Variants in MEI4 observed in about 807,000 individuals in gnomAD.
The protein encoded by MEI4 is meiotic double-stranded break formation protein 4, also known as meiosis-specific protein MEI4.
MEI4 carries 27 observed loss-of-function variants against 31.4 expected under a neutral mutation model. The observed-to-expected ratio is 0.86, with a 90% CI of 0.63 to 1.19. The LOEUF is 1.19. MEI4 is among the 50% of genes most tolerant of loss of function. The pLI is 0.00. For synonymous variants in MEI4, 122 were observed against 145.4 expected (o/e 0.84, Z 1.16); for missense variants, 329 against 398.9 (o/e 0.82, Z 1.49).
At chr6:77,789,073 C>T (rs1462332986) in intron 3 of MEI4, among the ~76,000 whole-genome samples, 2 of 152,058 alleles carry the variant, frequency 1.3e-5, no homozygotes, top group African/African-American at 4.8e-5. Context: ...CCAATGGAAC[C>T]AGAACAGAGC....
intron 3 of MEI4, among the ~76,000 whole-genome samples, chr6:77,793,547 T>C (rs1010415039): frequency 2.6e-5 from 4 of 152,146 alleles, no homozygotes; most frequent in African/African-American, 9.7e-5. Flanking sequence ...GTATAAAAAT[T>C]AAAAGAGAAA....
At chr6:77,668,837 A>C (rs2127644878) in intron 1 of MEI4, among the ~76,000 whole-genome samples, 1 of 152,302 alleles carries the variant, frequency 6.6e-6, no homozygotes, top group Non-Finnish European at 1.5e-5. Context: ...AAGAGCAATG[A>C]GCATCCCACG....
At chr6:77,857,791 C>T (rs1159388205) in intron 4 of MEI4, among the ~76,000 whole-genome samples, 1 of 152,184 alleles carries the variant, frequency 6.6e-6, no homozygotes, top group Non-Finnish European at 1.5e-5. Flanking sequence ...TGAAATCCAA[C>T]AGTTGGTGAA....
rs138845661 is a variant in MEI4, at chr6:77,739,266, T to G, written c.233-21864T>G. Among the ~76,000 whole-genome samples the G allele has an allele frequency of 1.4e-3, 213 of 152,248 alleles. 1 individual carries two copies. The highest frequency in any genetic ancestry group is 4.5e-3 in the African/African-American group (187 of 41,548). ...CTTGAGTTAATTTTTTGTGTTAGGT[T>G]TAAGGAAGAGGTCCAGTTTCAGTTT... On this transcript the variant is annotated intron_variant, in intron 2 of 4. Coordinates refer to ENST00000684080, the MANE Select transcript of MEI4 (RefSeq NM_001322247.2).
chr6:77,769,357 CTT>C (rs891056151), intron 3 of MEI4, among the ~76,000 whole-genome samples: 2 of 152,258 alleles, frequency 1.3e-5, no homozygotes, highest in African/African-American at 4.8e-5. Flanking sequence ...TGGAACCTGA[CTT>C]TTGGCAAGTC....
chr6:77,778,142 G>C (rs1165764802), intron 3 of MEI4, among the ~76,000 whole-genome samples: 31 of 150,938 alleles, frequency 2.1e-4, no homozygotes, highest in Non-Finnish European at 4.1e-4. Flanking sequence ...GTGCGGGGCG[G>C]GGGGTGGTGG....
At chr6:77,724,747 G>A (rs1394704666) in intron 2 of MEI4, among the ~76,000 whole-genome samples, 379 of 147,284 alleles carry the variant, frequency 2.6e-3, no homozygotes, top group African/African-American at 8.8e-3. Flanking sequence ...GACTCTGATG[G>A]CCCCACTAAT....
intron 4 of MEI4, among the ~76,000 whole-genome samples, chr6:77,922,711 A>T (rs1221165820): frequency 6.6e-6 from 1 of 151,704 alleles, no homozygotes; most frequent in East Asian, 1.9e-4. Context: ...GGATTGTTTT[A>T]TATCAAAATA....
chr6:77,849,406 T>A (rs1316566409), intron 4 of MEI4, among the ~76,000 whole-genome samples: 2 of 152,086 alleles, frequency 1.3e-5, no homozygotes, highest in East Asian at 3.9e-4. Context: ...GATGGCACAA[T>A]AAGGTGCCTG....
At chr6:77,922,126 C>A (rs1348363100) in intron 4 of MEI4, among the ~76,000 whole-genome samples, 5 of 151,634 alleles carry the variant, frequency 3.3e-5, no homozygotes, top group African/African-American at 1.2e-4. Context: ...TCTTACTCTG[C>A]TTATTGGGTC....
chr6:77,882,848 G>C (rs909752841), intron 4 of MEI4, among the ~76,000 whole-genome samples: 8 of 152,138 alleles, frequency 5.3e-5, no homozygotes, highest in African/African-American at 1.4e-4. Flanking sequence ...AAGAAAGAAT[G>C]TAACACTCTT....
intron 4 of MEI4, among the ~76,000 whole-genome samples, chr6:77,892,642 A>C (rs1765985338): frequency 6.6e-6 from 1 of 152,062 alleles, no homozygotes; most frequent in South Asian, 2.1e-4. Flanking sequence ...TCTGTCCTGG[A>C]GGCAGCCCAT....
intron 3 of MEI4, among the ~76,000 whole-genome samples, chr6:77,769,025 C>A (rs1768243556): frequency 6.6e-6 from 1 of 152,094 alleles, no homozygotes; most frequent in African/African-American, 2.4e-5. Context: ...AGGAAAGGAC[C>A]TTCATAAGAA....
chr6:77,797,274 G>A (rs71563073), intron 3 of MEI4, among the ~76,000 whole-genome samples: 14,000 of 152,128 alleles, frequency 0.092, 938 homozygotes, highest in East Asian at 0.31. Flanking sequence ...TTTGACATTG[G>A]TCTTGGCAGT....
intron 3 of MEI4, among the ~76,000 whole-genome samples, chr6:77,803,237 G>T (rs1769322303): frequency 1.3e-5 from 2 of 152,126 alleles, no homozygotes; most frequent in South Asian, 4.2e-4. Context: ...TTCCATCACT[G>T]ATACCCTTTC....
chr6:77,821,116 A>T (rs1016288236), intron 3 of MEI4, among the ~76,000 whole-genome samples: 1 of 151,938 alleles, frequency 6.6e-6, no homozygotes, highest in African/African-American at 2.4e-5. Context: ...CTGAGTTTTA[A>T]ATTTTAATGT....
chr6:77,893,905 G>A (rs1445450826), intron 4 of MEI4, among the ~76,000 whole-genome samples: 1 of 151,902 alleles, frequency 6.6e-6, no homozygotes, highest in Non-Finnish European at 1.5e-5. Flanking sequence ...TATTACATAT[G>A]AACCTTCCTT....
chr6:77,733,922 A>G (rs1450463775), intron 2 of MEI4, among the ~76,000 whole-genome samples: 1 of 151,998 alleles, frequency 6.6e-6, no homozygotes, highest in African/African-American at 2.4e-5. Context: ...TTCAGTTTCC[A>G]TGTAGTTGAG....
chr6:77,872,576 T>A (rs190853871), intron 4 of MEI4, among the ~76,000 whole-genome samples: 333 of 152,036 alleles, frequency 2.2e-3, no homozygotes, highest in African/African-American at 7.3e-3. Flanking sequence ...ATTTTTTATT[T>A]ATTTTATTTT....
Sources: gnomAD v4.1 joint callset for allele counts (sites outside exome capture counted in the v4.1 genomes callset) on GRCh38, gnomAD v4.1.1 for gene constraint, MANE v1.5 for transcripts, NCBI Gene and HGNC (gene_info 2026-07-23, HGNC 2026-07-21) for gene names.